GRM4: variants seen among roughly 807,000 people sequenced by gnomAD.
The protein encoded by GRM4 is glutamate metabotropic receptor 4, also known as metabotropic glutamate receptor 4.
Under a neutral mutation model 81.7 loss-of-function variants are expected in GRM4, and 28 were observed. That is an observed-to-expected ratio of 0.34 (90% confidence interval 0.25 to 0.47). The LOEUF is 0.47. GRM4 is among the 20% of genes least tolerant of loss of function. The probability of loss-of-function intolerance (pLI) is 1.00; values close to 1 mark genes in which losing one functional copy is unlikely to be tolerated. For synonymous variants in GRM4, 488 were observed against 528.8 expected (o/e 0.92, Z 1.06); for missense variants, 948 against 1,290.0 (o/e 0.73, Z 4.06).
At chr6:34,065,922 CCT>C (rs547968868) in intron 3 of GRM4, among the ~76,000 whole-genome samples, 14 of 152,088 alleles carry the variant, frequency 9.2e-5, no homozygotes, top group Non-Finnish European at 1.8e-4. Flanking sequence ...CAGGCCAGCC[CCT>C]GACTGCTTTC....
upstream of GRM4, among the ~76,000 whole-genome samples, chr6:34,150,915 C>A (rs1053506053): frequency 6.6e-6 from 1 of 152,196 alleles, no homozygotes; most frequent in African/African-American, 2.4e-5. Context: ...AGCAGGGCAG[C>A]AAGTGGTAGG....
intron 5 of GRM4, among the ~76,000 whole-genome samples, chr6:34,057,816 G>A (rs546463028): frequency 2.6e-5 from 4 of 152,336 alleles, no homozygotes; most frequent in South Asian, 2.1e-4. Context: ...TACTAAATGC[G>A]GGGAAGAGTG....
intron 1 of GRM4, among the ~76,000 whole-genome samples, chr6:34,153,044 A>C (rs943419045): frequency 6.6e-6 from 1 of 152,180 alleles, no homozygotes; most frequent in Non-Finnish European, 1.5e-5. Context: ...GCTGAGAGGC[A>C]CAGAGGAGGG....
chr6:34,053,283 C>T (rs1210999823), intron 6 of GRM4, among the ~76,000 whole-genome samples: 2 of 152,224 alleles, frequency 1.3e-5, no homozygotes, highest in Non-Finnish European at 2.9e-5. Flanking sequence ...CTGCTCCCAG[C>T]TCTCTGTGGG....
At chr6:34,129,474 G>A (rs903061831) in intron 2 of GRM4, among the ~76,000 whole-genome samples, 46 of 152,326 alleles carry the variant, frequency 3.0e-4, no homozygotes, top group African/African-American at 1.1e-3. Context: ...ACAACCACTG[G>A]GCTTGGGTGC....
chr6:34,026,651 A>C (rs1764147414), intron 10 of GRM4, among the ~76,000 whole-genome samples: 1 of 151,996 alleles, frequency 6.6e-6, no homozygotes, highest in Non-Finnish European at 1.5e-5. Context: ...TAATTGTCCC[A>C]TGTTCCCAGG....
chr6:34,119,108 T>A (rs1042566530), intron 2 of GRM4, among the ~76,000 whole-genome samples: 4 of 152,158 alleles, frequency 2.6e-5, no homozygotes, highest in African/African-American at 9.7e-5. Context: ...AAGAAACAGA[T>A]GATGAGGCCG....
At chr6:34,151,565 G>A (rs1234532382) in intron 1 of GRM4, among the ~76,000 whole-genome samples, 2 of 152,234 alleles carry the variant, frequency 1.3e-5, no homozygotes, top group Middle Eastern at 3.4e-3. Context: ...CAGGGCTCCG[G>A]GCGCCAGGGG....
chr6:34,142,157 G>A (rs1388252046), intron 1 of GRM4, among the ~76,000 whole-genome samples: 1 of 152,208 alleles, frequency 6.6e-6, no homozygotes, highest in African/African-American at 2.4e-5. Flanking sequence ...CCAGGCCCAT[G>A]CCCACCAGTG....
intron 2 of GRM4, among the ~76,000 whole-genome samples, chr6:34,128,627 C>T (rs1017035799): frequency 2.9e-4 from 44 of 152,190 alleles, no homozygotes; most frequent in Non-Finnish European, 5.0e-4. Flanking sequence ...ATCTGCCCAC[C>T]TCAGCCTCCC....
intron 3 of GRM4, among the ~76,000 whole-genome samples, chr6:34,087,836 A>ACACACACACACACACACACACC (rs1767992220): frequency 1.3e-5 from 2 of 150,836 alleles, no homozygotes; most frequent in African/African-American, 2.4e-5. Context: ...ACACACACAC[A>ACACACACACACACACACACACC]CACACGTCCT....
Position 34,095,139 on chromosome 6 carries a change from G to A in GRM4, c.520-3040C>T, listed in dbSNP as rs149209314. Among the ~76,000 whole-genome samples the A allele has an allele frequency of 7.4e-4, 112 of 152,292 alleles. 1 individual carries two copies. Among genetic ancestry groups the A allele is most frequent in the Middle Eastern group, 3.4e-3 (1 of 294 alleles). ...GCGCGTCAGCCTGCAGGAGAGCCCC[G>A]GACCCCTGATTTCAAGAGCGCAGGA... is the stretch of plus-strand genomic sequence containing the variant. On this transcript the variant is annotated intron_variant, in intron 2 of 10. Transcript: ENST00000538487.
Position 34,022,580 on chromosome 6 carries a change from C to A in GRM4, c.*241G>T. On this transcript the variant is annotated 3_prime_UTR_variant, in exon 11 of 11. Transcript: ENST00000538487. This position sits in a 1 kb window ranked among gnomAD's most constrained non-coding sequence, Gnocchi z 5.6. ...GTTTGGGGCCGGGAGGGGCAATGGT[C>A]CAAGACGCAGGTTCTTGTGGTAGCC... The A allele has an allele frequency of 1.7e-6, 1 of 571,480 alleles. No individual in the cohort carries two copies. Among genetic ancestry groups the A allele is most frequent in the Admixed American group, 3.0e-5 (1 of 33,126 alleles). The allele number at this position is 571,480 out of a possible 1,614,324, so 35.4% of individuals were successfully genotyped here.
chr6:34,031,218 A>G (rs527281455), intron 9 of GRM4, among the ~76,000 whole-genome samples: 3 of 152,192 alleles, frequency 2.0e-5, no homozygotes, highest in South Asian at 4.2e-4. Flanking sequence ...CTCCTCTCCC[A>G]CCCACCTGCC....
Position 34,040,306 on chromosome 6 carries a change from C to A in GRM4, c.1378G>T (p.Gly460Trp). 6.2e-7 allele frequency: 1 copy of A among 1,614,102 alleles called. No individual in the cohort carries two copies. Among genetic ancestry groups the A allele is most frequent in the Non-Finnish European group, 8.5e-7 (1 of 1,180,000 alleles). The change falls in exon 8 of 11, where the codon GGG (glycine) becomes TGG (tryptophan). Residue 460 changes from glycine (G) to tryptophan (W), a missense_variant. Coordinates refer to ENST00000538487, the MANE Select transcript of GRM4 (RefSeq NM_000841.4). ...TTCTCATTGAAGGTCACAGGGTTCC[C>A]TGCGATGCCTGTAAGGGTGGGCGGG... ...IRNVNFSGIAGNPVTFNENGD... is the reference protein window; with the variant it reads ...IRNVNFSGIAWNPVTFNENGD...
intron 1 of GRM4, among the ~76,000 whole-genome samples, chr6:34,153,811 C>T (rs537777546): frequency 7.9e-5 from 12 of 152,152 alleles, no homozygotes; most frequent in South Asian, 4.1e-4. Flanking sequence ...CCTGTAATCC[C>T]GGCTACTGGG....
intron 3 of GRM4, among the ~76,000 whole-genome samples, chr6:34,071,683 TCAC>T (rs1766878505): frequency 1.5e-5 from 1 of 66,490 alleles, no homozygotes; most frequent in Non-Finnish European, 2.8e-5. Flanking sequence ...CCACACACAA[TCAC>T]CACACACCAC....
rs1765056331 is a variant in GRM4, at chr6:34,042,343, A to T, written c.1169-1595T>A. Among the ~76,000 whole-genome samples, 1 of 152,140 alleles carries T rather than the reference A, an allele frequency of 6.6e-6. No homozygotes were observed. Among genetic ancestry groups the T allele is most frequent in the Non-Finnish European group, 1.5e-5 (1 of 68,030 alleles). ...ATGAAAAGCTGATGTGAACCCAGGT[A>T]CTCCAACTCCAACCCTGAGCACCAC... On this transcript the variant is annotated intron_variant, in intron 6 of 10. Transcript: ENST00000538487. The surrounding 1 kb of genome is among the most constrained non-coding windows in gnomAD (Gnocchi z 4.2).
In GRM4 at chr6:34,103,864, G is replaced by A. The variant is rs565528758; in HGVS notation, c.520-11765C>T. On this transcript the variant is annotated intron_variant, in intron 2 of 10. Transcript: ENST00000538487. Reference sequence around the variant, plus strand: ...ATGTGTCAGGCACTGCGAGGGTCCCGAGGGAGAATGAGTGTTACAGAAGCC... The same window carrying A: ...ATGTGTCAGGCACTGCGAGGGTCCCAAGGGAGAATGAGTGTTACAGAAGCC... 1.3e-5 allele frequency: 19 copies of A among 1,412,050 alleles called. No individual in the cohort carries two copies. In the African/African-American group the frequency reaches 2.3e-4, roughly 17 times the overall value. The allele number at this position is 1,412,050 out of a possible 1,614,324, so 87.5% of individuals were successfully genotyped here.
Sources: allele counts gnomAD v4.1 joint callset (sites outside exome capture counted in the v4.1 genomes callset), GRCh38; gene constraint gnomAD v4.1.1; non-coding constraint Gnocchi (gnomAD v3.1); transcripts MANE v1.5; gene names NCBI Gene and HGNC (gene_info 2026-07-23, HGNC 2026-07-21).